PINK1: variants seen among roughly 807,000 people sequenced by gnomAD.
PINK1 encodes serine/threonine-protein kinase PINK1, mitochondrial.
Under a neutral mutation model 56.0 loss-of-function variants are expected in PINK1, and 58 were observed. That is an observed-to-expected ratio of 1.04 (90% CI 0.84 to 1.29). PINK1 has a LOEUF of 1.29. Among genes scored for constraint, PINK1 ranks in the 50% most tolerant of loss-of-function variants. The pLI is 0.00. For synonymous variants in PINK1, 354 were observed against 339.3 expected (o/e 1.04, Z -0.48); for missense variants, 745 against 777.9 (o/e 0.96, Z 0.50).
At position 20,641,202 on chromosome 1, in the gene PINK1, G is replaced by A. The variant is rs1166947860; in HGVS notation, c.776+1210G>A. The stretch of plus-strand genomic sequence containing the variant: ...CTTCCATGGTTTGGAGGTTTCCAAT[G>A]TGACTGGGAGTCCCTGCAGGCCGGT... On this transcript the variant is annotated intron_variant, in intron 3 of 7. Coordinates refer to ENST00000321556, the MANE Select transcript of PINK1 (RefSeq NM_032409.3). This position sits in a 1 kb window ranked among gnomAD's most constrained non-coding sequence, Gnocchi z 4.0. Among the ~76,000 whole-genome samples the A allele has an allele frequency of 1.3e-5, 2 of 152,202 alleles. No individual in the cohort carries two copies. The highest frequency in any genetic ancestry group is 2.9e-5 in the Non-Finnish European group (2 of 68,038).
chr1:20,641,112 A>G lies in PINK1; in HGVS notation c.776+1120A>G, dbSNP rs2053111608. On this transcript the variant is annotated intron_variant, in intron 3 of 7. Coordinates refer to ENST00000321556, the MANE Select transcript of PINK1 (RefSeq NM_032409.3). This position sits in a 1 kb window ranked among gnomAD's most constrained non-coding sequence, Gnocchi z 4.0. ...GATTTACTGGAGGGCTGGTTTATAGATCTTCATTCTGTCAGAAGCAGGGAG... is the reference window on the plus strand; with the variant it reads ...GATTTACTGGAGGGCTGGTTTATAGGTCTTCATTCTGTCAGAAGCAGGGAG... 6.6e-6 allele frequency among the ~76,000 whole-genome samples: 1 copy of G among 152,028 alleles called. No individual in the cohort carries two copies. Among genetic ancestry groups the G allele is most frequent in the African/African-American group, 2.4e-5 (1 of 41,374 alleles).
Position 20,637,895 on chromosome 1 carries a change from C to G in PINK1, c.441C>G (p.Arg147=). Residue 147 remains arginine (R), a synonymous_variant, in exon 2 of 8, where the codon CGC becomes CGG. Coordinates refer to ENST00000321556, the MANE Select transcript of PINK1 (RefSeq NM_032409.3). The part of the protein sequence containing the change: ...KPGPDPLDTR[R]LQGFRLEEYL... ...GGCCTGACCCGTTGGACACGAGACG[C>G]TTGCAGGGCTTTCGGCTGGAGGAGT... is the stretch of plus-strand genomic sequence containing the variant. 3 of 1,614,242 alleles carry G rather than the reference C, an allele frequency of 1.9e-6. No homozygotes were observed. The highest frequency in any genetic ancestry group is 2.5e-6 in the Non-Finnish European group (3 of 1,180,046).
At position 20,649,883 on chromosome 1, in the gene PINK1, A is replaced by G. The variant is rs371151672; in HGVS notation, c.1489-551A>G. ...GAGAACTGATCAGAGAGAGATGGAA[A>G]ACATCTCCTGAGAGCAGATCTGGAC... On this transcript the variant is annotated intron_variant, in intron 7 of 7. Coordinates refer to ENST00000321556, the MANE Select transcript of PINK1 (RefSeq NM_032409.3). The G allele has an allele frequency of 1.5e-3, 272 of 182,882 alleles. 4 individuals are homozygous for G. The South Asian group carries it at 0.024, about 16-fold the overall frequency. The allele number at this position is 182,882 out of a possible 1,614,324, so 11.3% of individuals were successfully genotyped here.
chr1:20,633,884 G>A lies in PINK1; in HGVS notation c.336G>A (p.Glu112=), dbSNP rs1482271001. The A allele has an allele frequency of 6.3e-7, 1 of 1,582,986 alleles. No individual in the cohort carries two copies. The highest frequency in any genetic ancestry group is 1.1e-5 in the South Asian group (1 of 86,986). The part of the protein sequence containing the change: ...LAFGLGLGLI[E]EKQAESRRAV... ...TCGGGCTAGGGCTGGGCCTCATCGA[G>A]GAAAAACAGGCGGAGAGCCGGCGGG... The change falls in exon 1 of 8, where the codon GAG becomes GAA. Residue 112 remains glutamate (E), a synonymous_variant. Transcript: ENST00000321556.
At chr1:20,634,426 T>A (rs1439684304) in intron 1 of PINK1, among the ~76,000 whole-genome samples, 3 of 152,192 alleles carry the variant, frequency 2.0e-5, no homozygotes, top group African/African-American at 7.2e-5. Context: ...CAGTAAAAAC[T>A]ATGAACGGCG....
At chr1:20,640,989 A>G (rs892252183) in intron 3 of PINK1, among the ~76,000 whole-genome samples, 1 of 152,064 alleles carries the variant, frequency 6.6e-6, no homozygotes, top group Non-Finnish European at 1.5e-5. Context: ...GTGAGCCAAG[A>G]TCATGCCACT....
At chr1:20,638,219 A>T (rs1191005569) in intron 2 of PINK1, 90 bp downstream of exon 2, 4 of 1,447,072 alleles carry the variant, frequency 2.8e-6, no homozygotes, top group Non-Finnish European at 3.7e-6. Flanking sequence ...GGAAGTAGGT[A>T]GGAAAAGACA....
chr1:20,644,368 T>TA, intron 3 of PINK1, 122 bp from the exon 4 acceptor site: 1 of 1,187,528 alleles, frequency 8.4e-7, no homozygotes, highest in Non-Finnish European at 1.3e-6. Flanking sequence ...AAATCTATGA[T>TA]AAACATTTGA....
chr1:20,642,502 G>A (rs945481754), intron 3 of PINK1, among the ~76,000 whole-genome samples: 2 of 152,186 alleles, frequency 1.3e-5, no homozygotes, highest in Non-Finnish European at 2.9e-5. Flanking sequence ...GATTTGGGAG[G>A]AGTGAGTATG....
intron 1 of PINK1, among the ~76,000 whole-genome samples, chr1:20,635,361 C>T (rs1205512403): frequency 6.6e-6 from 1 of 151,126 alleles, no homozygotes; most frequent in Non-Finnish European, 1.5e-5. Flanking sequence ...ATTACCCGGG[C>T]GCAGTGGTGG....
At chr1:20,633,985 G>A (rs1319920031) in intron 1 of PINK1, 50 bp downstream of exon 1, 137 of 1,547,248 alleles carry the variant, frequency 8.9e-5, no homozygotes, top group Middle Eastern at 2.2e-4. Context: ...CTAAGCGCGG[G>A]GGCGGGTCCT....
At position 20,638,010 on chromosome 1, in the gene PINK1, A is replaced by C. The variant is rs371385940; in HGVS notation, c.556A>C (p.Lys186Gln). The stretch of plus-strand genomic sequence containing the variant: ...ATTGCCCCAGAACCTGGAGGTGACA[A>C]AGAGCACCGGGTTGCTTCCAGGGAG... ...PTLPQNLEVT[K>Q]STGLLPGRGP... is the part of the protein sequence containing the mutation. The change falls in exon 2 of 8, where the codon AAG becomes CAG. Residue 186 changes from lysine to glutamine, a missense_variant. By Grantham distance (53) the Lys-to-Gln change is moderately conservative (BLOSUM62 1). Transcript: ENST00000321556. 1.9e-6 allele frequency: 3 copies of C among 1,614,036 alleles called. No homozygotes were observed. In the African/African-American group the frequency reaches 4.0e-5, roughly 22 times the overall value.
At chr1:20,645,117 G>A (rs1214623387) in intron 4 of PINK1, among the ~76,000 whole-genome samples, 1 of 152,202 alleles carries the variant, frequency 6.6e-6, no homozygotes, top group Non-Finnish European at 1.5e-5. Context: ...GGAGGGAACA[G>A]AAAGGATGCT....
chr1:20,638,177 C>T (rs2053077337), intron 2 of PINK1, 48 bp downstream of exon 2: 3 of 1,589,078 alleles, frequency 1.9e-6, no homozygotes, highest in Non-Finnish European at 2.6e-6. Context: ...TCAAAATGCC[C>T]ATCTTAGTGG....
intron 3 of PINK1, among the ~76,000 whole-genome samples, chr1:20,640,873 AC>A (rs1342661591): frequency 6.6e-6 from 1 of 152,164 alleles, no homozygotes; most frequent in Non-Finnish European, 1.5e-5. Flanking sequence ...CCCCGCCTTT[AC>A]AAAAAATAAA....
chr1:20,633,537 C>A lies in PINK1; in HGVS notation c.-12C>A. 2.6e-6 allele frequency: 3 copies of A among 1,155,348 alleles called. No homozygotes were observed. The African/African-American group carries it at 4.9e-5, about 19-fold the overall frequency. 71.6% of individuals were successfully genotyped at this position (1,155,348 alleles called of 1,614,324 possible). ...AGCGGCGGCTGCGGGGGCACCGGGC[C>A]GCGGCGCCACCATGGCGGTGCGACA... On this transcript the variant is annotated 5_prime_UTR_variant, in exon 1 of 8. Transcript: ENST00000321556.
chr1:20,640,397 T>TA (rs35907207), intron 3 of PINK1, among the ~76,000 whole-genome samples: 41,868 of 151,570 alleles, frequency 0.28, 5,954 homozygotes, highest in South Asian at 0.37. Flanking sequence ...CAAGAGATTT[T>TA]AAAAAAAACA....
chr1:20,645,824 AAG>A, intron 5 of PINK1, 101 bp downstream of exon 5: 1 of 982,914 alleles, frequency 1.0e-6, no homozygotes, highest in Non-Finnish European at 1.5e-6. Context: ...TTTGTGTTCT[AAG>A]TCATGTCTTT....
chr1:20,636,307 G>A (rs1322561369), intron 1 of PINK1, among the ~76,000 whole-genome samples: 2 of 150,492 alleles, frequency 1.3e-5, no homozygotes, highest in African/African-American at 2.4e-5. Flanking sequence ...ACACACACAC[G>A]TTGCTTCTGC....
Sources: gnomAD v4.1 joint callset for allele counts (sites outside exome capture counted in the v4.1 genomes callset) on GRCh38, gnomAD v4.1.1 for gene constraint, Gnocchi (gnomAD v3.1) non-coding constraint, MANE v1.5 for transcripts, NCBI Gene and HGNC (gene_info 2026-07-23, HGNC 2026-07-21) for gene names.